Variants in QTGAL observed in about 807,000 individuals in gnomAD.
QTGAL encodes queuosine-tRNA galactosyltransferase.
the QTGAL span, among the ~76,000 whole-genome samples, chr17:83,023,159 A>C: frequency 3.1e-5 from 3 of 95,412 alleles, no homozygotes; most frequent in Non-Finnish European, 6.5e-5. Flanking sequence ...AACTCACATG[A>C]GCTTAGCACT....
At chr17:82,968,195 C>A in the QTGAL span, among the ~76,000 whole-genome samples, 1 of 152,132 alleles carries the variant, frequency 6.6e-6, no homozygotes, top group South Asian at 2.1e-4. Flanking sequence ...GTGTTCACGG[C>A]AGTCCCAGCA....
the QTGAL span, among the ~76,000 whole-genome samples, chr17:83,017,511 T>G: frequency 2.0e-5 from 3 of 151,860 alleles, no homozygotes; most frequent in Admixed American, 1.3e-4. Context: ...TAGTCCCAGC[T>G]ACTCAGGAAG....
the QTGAL span, among the ~76,000 whole-genome samples, chr17:82,966,318 G>A: frequency 6.6e-6 from 1 of 152,124 alleles, no homozygotes; most frequent in African/African-American, 2.4e-5. Flanking sequence ...GCCTCCCAAA[G>A]TGCTGGGATT....
the QTGAL span, among the ~76,000 whole-genome samples, chr17:82,972,717 G>A: frequency 1.3e-4 from 16 of 125,224 alleles, no homozygotes; most frequent in African/African-American, 5.2e-4. Context: ...AGAAGGACCT[G>A]GTACTGACCA....
At chr17:82,973,223 C>T in the QTGAL span, among the ~76,000 whole-genome samples, 2 of 152,170 alleles carry the variant, frequency 1.3e-5, no homozygotes, top group African/African-American at 2.4e-5. Context: ...AAGCTGGAGA[C>T]GCCCTGGTGG....
At chr17:82,973,888 C>G in the QTGAL span, among the ~76,000 whole-genome samples, 1 of 152,162 alleles carries the variant, frequency 6.6e-6, no homozygotes, top group Non-Finnish European at 1.5e-5. Context: ...TTCAACTCCT[C>G]TCCCGTGTGG....
the QTGAL span, among the ~76,000 whole-genome samples, chr17:83,036,579 G>A: frequency 1.3e-5 from 2 of 152,228 alleles, no homozygotes; most frequent in African/African-American, 2.4e-5. Context: ...GCTGAACGAT[G>A]ACCTGTGGTT....
At chr17:82,947,077 G>A in the QTGAL span, 11 of 1,033,328 alleles carry the variant, frequency 1.1e-5, no homozygotes, top group Non-Finnish European at 1.3e-5. Flanking sequence ...GGGGTGGCCT[G>A]TGTCCACCTG....
chr17:83,044,953 A>C, the QTGAL span, among the ~76,000 whole-genome samples: 1 of 152,122 alleles, frequency 6.6e-6, no homozygotes, highest in Non-Finnish European at 1.5e-5. Context: ...CTCAAAAAAA[A>C]AAAAAGAAAG....
the QTGAL span, among the ~76,000 whole-genome samples, chr17:83,028,510 G>C: frequency 7.5e-6 from 1 of 134,104 alleles, no homozygotes; most frequent in African/African-American, 2.9e-5. Context: ...GGGCGACAGC[G>C]AGACTCCATC....
chr17:82,958,462 C>T, the QTGAL span, among the ~76,000 whole-genome samples: 2 of 152,192 alleles, frequency 1.3e-5, no homozygotes, highest in Non-Finnish European at 2.9e-5. Context: ...GCAGGGCCCT[C>T]GTGGGTTCAG....
At chr17:82,972,785 A>G in the QTGAL span, among the ~76,000 whole-genome samples, 2 of 142,594 alleles carry the variant, frequency 1.4e-5, no homozygotes, top group Non-Finnish European at 3.0e-5. Context: ...CACAGGGGCT[A>G]GAAGGACCTG....
chr17:82,971,024 A>G, the QTGAL span, among the ~76,000 whole-genome samples: 1 of 152,152 alleles, frequency 6.6e-6, no homozygotes, highest in Non-Finnish European at 1.5e-5. Context: ...CGTGGGGCGC[A>G]GTGCGTTCCT....
At chr17:83,019,272 G>C in the QTGAL span, among the ~76,000 whole-genome samples, 1 of 152,156 alleles carries the variant, frequency 6.6e-6, no homozygotes, top group African/African-American at 2.4e-5. Context: ...ACTCCACAGA[G>C]AACGGTTCAA....
chr17:83,039,051 C>A, the QTGAL span, among the ~76,000 whole-genome samples: 4 of 152,148 alleles, frequency 2.6e-5, no homozygotes, highest in African/African-American at 9.7e-5. Flanking sequence ...ATACACAAGA[C>A]GATGATGATG....
chr17:83,019,475 C>T, the QTGAL span, among the ~76,000 whole-genome samples: 1 of 152,132 alleles, frequency 6.6e-6, no homozygotes, highest in Non-Finnish European at 1.5e-5. Context: ...CACAGGAGGT[C>T]CCTTAGCAGA....
chr17:82,984,249 G>GAA, the QTGAL span, among the ~76,000 whole-genome samples: 2 of 47,616 alleles, frequency 4.2e-5, no homozygotes, highest in Admixed American at 2.0e-4. Flanking sequence ...TGAGCACACA[G>GAA]GAGGCCATAT....
the QTGAL span, among the ~76,000 whole-genome samples, chr17:82,997,926 A>AT: frequency 1.4e-3 from 136 of 97,520 alleles, 1 homozygote; most frequent in African/African-American, 5.6e-3. Flanking sequence ...GGTTTAAAAA[A>AT]AAAAATATAT....
chr17:82,959,547 G>A, the QTGAL span, among the ~76,000 whole-genome samples: 5 of 152,082 alleles, frequency 3.3e-5, no homozygotes, highest in African/African-American at 4.8e-5. Context: ...ACGCAGCCTC[G>A]CCGGGTTTTG....
Sources: gnomAD v4.1 joint callset for allele counts (sites outside exome capture counted in the v4.1 genomes callset) on GRCh38, gnomAD v4.1.1 for gene constraint, MANE v1.5 for transcripts, NCBI Gene and HGNC (gene_info 2026-07-23, HGNC 2026-07-21) for gene names.